SHISA9: variants seen among roughly 807,000 people sequenced by gnomAD.
The protein encoded by SHISA9 is shisa family member 9, also known as protein shisa-9.
In SHISA9, 13 loss-of-function variants were observed where a neutral mutation model predicts 38.0. The observed-to-expected ratio is 0.34, with a 90% confidence interval of 0.22 to 0.54. The LOEUF (loss-of-function observed/expected upper bound fraction) is 0.54, where lower values mean the gene tolerates loss of function less well. Ranked by LOEUF, SHISA9 falls within the 20% of genes least tolerant of loss-of-function variation. The pLI is 0.91. For synonymous variants in SHISA9, 275 were observed against 242.0 expected (o/e 1.14, Z -1.27); for missense variants, 538 against 575.8 (o/e 0.93, Z 0.67).
chr16:12,953,203 A>G (rs1378000290), intron 2 of SHISA9, among the ~76,000 whole-genome samples: 1 of 145,814 alleles, frequency 6.9e-6, no homozygotes, highest in African/African-American at 2.5e-5. Context: ...AAACAAAAAA[A>G]CCCCTCAACA....
At chr16:13,402,283 A>T in the SHISA9 span, among the ~76,000 whole-genome samples, 4 of 152,104 alleles carry the variant, frequency 2.6e-5, no homozygotes, top group African/African-American at 9.7e-5. Context: ...GAACCAGGTG[A>T]GCCAATGGTA....
rs1359718415 is a variant in SHISA9 at position 13,239,521 on chromosome 16, T to C, written c.*4112T>C. On this transcript the variant is annotated 3_prime_UTR_variant, in exon 5 of 5. Coordinates refer to ENST00000558583, the MANE Select transcript of SHISA9 (RefSeq NM_001145204.3). ...CTGTTGTTTCCTGACTTTTTAATGA[T>C]TGCCATTCTAACTGGCGTGAGATGG... 6.6e-6 allele frequency: 1 copy of C among 151,846 alleles called. No individual in the cohort carries two copies. Among genetic ancestry groups the C allele is most frequent in the Non-Finnish European group, 1.5e-5 (1 of 67,892 alleles). 9.4% of individuals were successfully genotyped at this position (151,846 alleles called of 1,614,324 possible). A position where few individuals can be genotyped will look rare whatever the true frequency, so the allele number is the denominator to read the frequency against.
At position 13,210,862 on chromosome 16, in the gene SHISA9, T is replaced by C. The variant is rs201342217; in HGVS notation, c.848-2391T>C. ...GACTTGGAATCCTATGTTCTTCCCA[T>C]GAAACTATGCTGTCTTCTGCAGAGA... On this transcript the variant is annotated intron_variant, in intron 3 of 4. Coordinates refer to ENST00000558583, the MANE Select transcript of SHISA9 (RefSeq NM_001145204.3). 1.4e-4 allele frequency among the ~76,000 whole-genome samples: 22 copies of C among 152,362 alleles called. No individual in the cohort carries two copies. In the East Asian group the frequency reaches 2.3e-3, roughly 16 times the overall value.
At chr16:13,045,220 T>C (rs2073173209) in intron 2 of SHISA9, among the ~76,000 whole-genome samples, 1 of 152,260 alleles carries the variant, frequency 6.6e-6, no homozygotes, top group South Asian at 2.1e-4. Flanking sequence ...AAACTTCATC[T>C]GGATACTTAC....
At chr16:13,360,302 T>G in the SHISA9 span, among the ~76,000 whole-genome samples, 3 of 152,198 alleles carry the variant, frequency 2.0e-5, no homozygotes, top group Admixed American at 1.3e-4. Flanking sequence ...CCCACTGTGT[T>G]TCTCCACTTT....
the SHISA9 span, among the ~76,000 whole-genome samples, chr16:13,447,142 C>T: frequency 9.2e-5 from 14 of 152,178 alleles, no homozygotes; most frequent in South Asian, 2.9e-3. Context: ...CACATGTGAG[C>T]CTTTGGCTTG....
the SHISA9 span, among the ~76,000 whole-genome samples, chr16:13,328,994 C>A: frequency 6.6e-6 from 1 of 152,048 alleles, no homozygotes; most frequent in African/African-American, 2.4e-5. Context: ...TGAATGCCGG[C>A]AGTTGTGCAA....
intron 2 of SHISA9, among the ~76,000 whole-genome samples, chr16:13,145,995 C>A (rs1435909160): frequency 6.6e-6 from 1 of 152,240 alleles, no homozygotes; most frequent in Non-Finnish European, 1.5e-5. Context: ...TGAGACCAAC[C>A]TGGCCAACAT....
chr16:12,965,010 C>G (rs1163659618), intron 2 of SHISA9, among the ~76,000 whole-genome samples: 1 of 152,024 alleles, frequency 6.6e-6, no homozygotes, highest in Non-Finnish European at 1.5e-5. Context: ...TATCTCCATG[C>G]ACATACGAAT....
At chr16:13,354,930 G>A in the SHISA9 span, among the ~76,000 whole-genome samples, 14 of 152,022 alleles carry the variant, frequency 9.2e-5, no homozygotes, top group African/African-American at 3.1e-4. Flanking sequence ...TGTCTGTGAA[G>A]CTTTGCGGCA....
the SHISA9 span, among the ~76,000 whole-genome samples, chr16:13,251,066 G>C: frequency 3.9e-5 from 6 of 152,048 alleles, no homozygotes; most frequent in Non-Finnish European, 5.9e-5. Flanking sequence ...TGCACGATAG[G>C]GTTCTTCACC....
Position 13,114,350 on chromosome 16 carries a change from C to G in SHISA9, c.692-89044C>G. Among the ~76,000 whole-genome samples, 2 of 150,988 alleles carry G rather than the reference C, an allele frequency of 1.3e-5. 1 individual carries two copies. On this transcript the variant is annotated intron_variant, in intron 2 of 4. Coordinates refer to ENST00000558583, the MANE Select transcript of SHISA9 (RefSeq NM_001145204.3). ...GTGTGGTGGCGGGCGCCTGTAGTCC[C>G]AGCTGCTCGGGAGGCTGAGGCAGCA...
At chr16:12,996,139 A>G (rs1242552488) in intron 2 of SHISA9, among the ~76,000 whole-genome samples, 4 of 152,190 alleles carry the variant, frequency 2.6e-5, no homozygotes, top group African/African-American at 7.2e-5. Flanking sequence ...GACAGTCTAC[A>G]ACCAAAAGTT....
chr16:13,234,408 T>C (rs2051360739), intron 4 of SHISA9, among the ~76,000 whole-genome samples: 1 of 152,248 alleles, frequency 6.6e-6, no homozygotes, highest in Non-Finnish European at 1.5e-5. Flanking sequence ...ATGGCTTTCC[T>C]TATGGAGAAG....
intron 4 of SHISA9, among the ~76,000 whole-genome samples, chr16:13,224,641 C>A (rs1400734658): frequency 1.3e-5 from 2 of 152,186 alleles, no homozygotes; most frequent in African/African-American, 2.4e-5. Context: ...CTAAGTGGAG[C>A]TTTATATTCT....
chr16:13,071,928 G>A (rs2073523764), intron 2 of SHISA9, among the ~76,000 whole-genome samples: 1 of 152,014 alleles, frequency 6.6e-6, no homozygotes. Flanking sequence ...TTATAGGTGT[G>A]ACCCACCGTG....
the SHISA9 span, among the ~76,000 whole-genome samples, chr16:13,464,779 T>C: frequency 6.6e-6 from 1 of 152,180 alleles, no homozygotes; most frequent in Non-Finnish European, 1.5e-5. Flanking sequence ...TTAGTAGCCC[T>C]TGGTCCTCAT....
chr16:13,359,804 C>T, the SHISA9 span, among the ~76,000 whole-genome samples: 4 of 152,100 alleles, frequency 2.6e-5, no homozygotes, highest in Admixed American at 2.0e-4. Flanking sequence ...TACCAACTTG[C>T]CTGAGTGTGG....
At chr16:13,260,631 A>T in the SHISA9 span, among the ~76,000 whole-genome samples, 1 of 152,170 alleles carries the variant, frequency 6.6e-6, no homozygotes, top group African/African-American at 2.4e-5. Flanking sequence ...TATTGATGTC[A>T]GTATTCTGGG....
Sources: gnomAD v4.1 joint callset for allele counts (sites outside exome capture counted in the v4.1 genomes callset) on GRCh38, gnomAD v4.1.1 for gene constraint, MANE v1.5 for transcripts, NCBI Gene and HGNC (gene_info 2026-07-23, HGNC 2026-07-21) for gene names.